The following MAD1L1 variants were observed in gnomAD, a reference collection of about 807,000 sequenced individuals.
The protein encoded by MAD1L1 is mitotic arrest deficient 1 like 1, also known as mitotic spindle assembly checkpoint protein MAD1.
Under a neutral mutation model 96.9 loss-of-function variants are expected in MAD1L1, and 95 were observed. The observed-to-expected ratio is 0.98, with a 90% CI of 0.83 to 1.16. The LOEUF (loss-of-function observed/expected upper bound fraction) is 1.16, where lower values mean the gene tolerates loss of function less well. Among genes scored for constraint, MAD1L1 ranks in the 50% most tolerant of loss-of-function variants. The probability of loss-of-function intolerance (pLI) is 0.00; values close to 1 mark genes in which losing one functional copy is unlikely to be tolerated. For missense variants in MAD1L1, 1,007 were observed against 954.4 expected (o/e 1.06, Z -0.73); for synonymous variants, 473 against 396.6 (o/e 1.19, Z -2.29).
chr7:2,218,143 T>C (rs1793393709), intron 6 of MAD1L1, 100 bp from the exon 7 acceptor site: 1 of 870,756 alleles, frequency 1.1e-6, no homozygotes, highest in African/African-American at 1.6e-5. Flanking sequence ...CCACATACGT[T>C]CATTCCCACC....
intron 12 of MAD1L1, among the ~76,000 whole-genome samples, chr7:2,043,756 G>A (rs1428166845): frequency 6.6e-6 from 1 of 152,232 alleles, no homozygotes; most frequent in Non-Finnish European, 1.5e-5. Flanking sequence ...CCTCCTGCCA[G>A]GCCCCAGGGA....
rs1379286702 is a variant in MAD1L1, at chr7:2,103,284, C to T, written c.1074-33946G>A. On this transcript the variant is annotated intron_variant, in intron 11 of 18. Transcript: ENST00000265854. This position sits in a 1 kb window ranked among gnomAD's most constrained non-coding sequence, Gnocchi z 4.3. ...CGGGTCGCAGCCCAAGCCATGGCTG[C>T]CCCGACGGGCCCTGCACACACAGTC... 6.6e-6 allele frequency among the ~76,000 whole-genome samples: 1 copy of T among 152,162 alleles called. No individual in the cohort carries two copies. The highest frequency in any genetic ancestry group is 1.5e-5 in the Non-Finnish European group (1 of 68,034).
At chr7:2,016,411 C>T (rs1165067110) in intron 12 of MAD1L1, among the ~76,000 whole-genome samples, 7 of 152,192 alleles carry the variant, frequency 4.6e-5, no homozygotes, top group Admixed American at 4.6e-4. Context: ...AGCAAGACCC[C>T]CACCCAGAAG....
chr7:1,829,909 A>C (rs1363369293), intron 18 of MAD1L1, among the ~76,000 whole-genome samples: 1 of 152,238 alleles, frequency 6.6e-6, no homozygotes, highest in African/African-American at 2.4e-5. Context: ...GGAATTAAGA[A>C]GACAGTGAGA....
intron 14 of MAD1L1, among the ~76,000 whole-genome samples, chr7:1,983,217 G>T (rs1278808374): frequency 6.6e-6 from 1 of 151,526 alleles, no homozygotes; most frequent in Non-Finnish European, 1.5e-5. Flanking sequence ...AGTTGTTGGT[G>T]TCAATACAAC....
chr7:1,820,102 A>C (rs934985233), intron 18 of MAD1L1, among the ~76,000 whole-genome samples: 21 of 152,172 alleles, frequency 1.4e-4, no homozygotes, highest in Non-Finnish European at 2.9e-4. Context: ...ACACCAGTGG[A>C]CATCAAAACC....
chr7:2,127,182 G>A (rs1788272803), intron 11 of MAD1L1, among the ~76,000 whole-genome samples: 1 of 152,242 alleles, frequency 6.6e-6, no homozygotes, highest in South Asian at 2.1e-4. Context: ...GGGCTGGCAT[G>A]AGCCCACGGG....
chr7:2,095,326 G>T (rs536794804), intron 11 of MAD1L1, among the ~76,000 whole-genome samples: 2 of 152,320 alleles, frequency 1.3e-5, no homozygotes, highest in East Asian at 3.9e-4. Context: ...TTACAGGCAT[G>T]AGCCACGGCG....
intron 16 of MAD1L1, among the ~76,000 whole-genome samples, chr7:1,951,675 T>A (rs530563040): frequency 1.3e-5 from 2 of 152,132 alleles, no homozygotes; most frequent in African/African-American, 4.8e-5. Flanking sequence ...CTCGTGTAGG[T>A]GGAATCACAT....
intron 12 of MAD1L1, among the ~76,000 whole-genome samples, chr7:2,028,591 TG>T (rs1342239523): frequency 6.6e-6 from 1 of 152,078 alleles, no homozygotes; most frequent in African/African-American, 2.4e-5. Context: ...AAAATCTACG[TG>T]AAGAGGCGGA....
At chr7:2,211,933 C>T (rs1425053452) in intron 10 of MAD1L1, among the ~76,000 whole-genome samples, 1 of 152,230 alleles carries the variant, frequency 6.6e-6, no homozygotes, top group African/African-American at 2.4e-5. Context: ...TGAAATCTCA[C>T]AAGCAAACAC....
chr7:2,189,068 G>C (rs540517366), intron 10 of MAD1L1, among the ~76,000 whole-genome samples: 1 of 152,272 alleles, frequency 6.6e-6, no homozygotes, highest in Non-Finnish European at 1.5e-5. Context: ...AGGAGCACAT[G>C]GAACGGTGCT....
chr7:2,002,686 T>G (rs1781851826), intron 13 of MAD1L1, among the ~76,000 whole-genome samples: 1 of 151,974 alleles, frequency 6.6e-6, no homozygotes. Context: ...GACCCCACAC[T>G]AAGGGTAGAA....
Position 2,114,423 on chromosome 7 carries a change from A to G in MAD1L1, c.1073+34729T>C, listed in dbSNP as rs1305599986. 6.6e-6 allele frequency among the ~76,000 whole-genome samples: 1 copy of G among 152,208 alleles called. No homozygotes were observed. The highest frequency in any genetic ancestry group is 2.4e-5 in the African/African-American group (1 of 41,446). On this transcript the variant is annotated intron_variant, in intron 11 of 18. Transcript: ENST00000265854. The surrounding 1 kb of genome is among the most constrained non-coding windows in gnomAD (Gnocchi z 4.2). ...AACACCAGAGGACGCCATCCTCCTT[A>G]AGGCCACAAAGTGTATGGTCCTAGG...
chr7:2,215,653 G>C (rs773709548), intron 9 of MAD1L1, among the ~76,000 whole-genome samples: 5 of 152,108 alleles, frequency 3.3e-5, no homozygotes, highest in Non-Finnish European at 7.4e-5. Context: ...GCCCCTCCCC[G>C]CCGTGGGCCA....
chr7:1,900,179 G>A (rs1055105005), intron 17 of MAD1L1, among the ~76,000 whole-genome samples: 3 of 152,206 alleles, frequency 2.0e-5, no homozygotes, highest in Non-Finnish European at 2.9e-5. Context: ...AACACGATCC[G>A]ATCCCCAATC....
At chr7:2,047,387 T>C (rs1436404588) in intron 12 of MAD1L1, among the ~76,000 whole-genome samples, 1 of 152,202 alleles carries the variant, frequency 6.6e-6, no homozygotes, top group Non-Finnish European at 1.5e-5. Context: ...TGGGGGCAGT[T>C]TAGCTCTTTA....
intron 14 of MAD1L1, among the ~76,000 whole-genome samples, chr7:1,983,150 GCGCGCACACA>G (rs779612864): frequency 0.029 from 2,689 of 93,178 alleles, 20 homozygotes; most frequent in South Asian, 0.067. Context: ...GCGCGCGCGC[GCGCGCACACA>G]CACACACACA....
At chr7:1,975,614 G>T (rs1653758456) in intron 15 of MAD1L1, among the ~76,000 whole-genome samples, 1 of 152,184 alleles carries the variant, frequency 6.6e-6, no homozygotes, top group African/African-American at 2.4e-5. Flanking sequence ...TTTGTTGGAT[G>T]AAAGATGATA....
Sources: allele counts gnomAD v4.1 joint callset (sites outside exome capture counted in the v4.1 genomes callset), GRCh38; gene constraint gnomAD v4.1.1; non-coding constraint Gnocchi (gnomAD v3.1); transcripts MANE v1.5; gene names NCBI Gene and HGNC (gene_info 2026-07-23, HGNC 2026-07-21).